Variants in TIPRL observed in about 807,000 individuals in gnomAD.
TIPRL encodes the protein TIP41-like protein.
Under a neutral mutation model 32.3 loss-of-function variants are expected in TIPRL, and 10 were observed. That is an observed-to-expected ratio of 0.31 (90% CI 0.19 to 0.52). The LOEUF (loss-of-function observed/expected upper bound fraction) is 0.52, where lower values mean the gene tolerates loss of function less well. Among genes scored for constraint, TIPRL ranks in the 20% least tolerant of loss-of-function variants. The probability of loss-of-function intolerance (pLI) is 0.96; values close to 1 mark genes in which losing one functional copy is unlikely to be tolerated. For synonymous variants in TIPRL, 100 were observed against 114.0 expected (o/e 0.88, Z 0.78); for missense variants, 250 against 328.1 (o/e 0.76, Z 1.84).
Position 168,179,838 on chromosome 1 carries a change from T to C in TIPRL, c.104+657T>C, listed in dbSNP as rs533445680. ...ATGCGTTTTTGATGCCTGGGCTGAA[T>C]CTTGACAAAATTTAGGGGAATCAGG... On this transcript the variant is annotated intron_variant, in intron 1 of 6. Transcript: ENST00000367833. Among the ~76,000 whole-genome samples, 5 of 152,056 alleles carry C rather than the reference T, an allele frequency of 3.3e-5. No individual in the cohort carries two copies. The East Asian group carries it at 9.7e-4, about 29-fold the overall frequency.
intron 3 of TIPRL, among the ~76,000 whole-genome samples, chr1:168,185,782 A>G (rs977479258): frequency 2.3e-5 from 3 of 132,910 alleles, no homozygotes; most frequent in South Asian, 2.5e-4. Flanking sequence ...AAAAAAAAAA[A>G]AAGAAGAGAT....
At chr1:168,180,820 C>CTTTTTTTTTTTTTTTTTTTTTTTTTT (rs71118909) in intron 1 of TIPRL, among the ~76,000 whole-genome samples, 1 of 124,166 alleles carries the variant, frequency 8.1e-6, no homozygotes, top group Non-Finnish European at 1.7e-5. Flanking sequence ...TTTTTTATAA[C>CTTTTTTTTTTTTTTTTTTTTTTTTTT]TTTTTTTTTT....
chr1:168,197,183 C>T (rs1409896083), intron 5 of TIPRL, among the ~76,000 whole-genome samples: 3 of 151,858 alleles, frequency 2.0e-5, no homozygotes, highest in African/African-American at 4.8e-5. Flanking sequence ...GGCATGGTGG[C>T]ACGGACTTGT....
At chr1:168,179,204 C>T (rs754304557) in intron 1 of TIPRL, 23 bp downstream of exon 1, 6 of 1,610,220 alleles carry the variant, frequency 3.7e-6, no homozygotes, top group Non-Finnish European at 5.1e-6. Flanking sequence ...GGCACGGGGT[C>T]TGGGCGCTGG....
Position 168,184,035 on chromosome 1 carries a change from C to G in TIPRL, c.238C>G (p.Gln80Glu), listed in dbSNP as rs1699998836. Residue 80 changes from glutamine (Q) to glutamate (E), a missense_variant, in exon 2 of 7, where the codon CAA becomes GAA. Transcript: ENST00000367833. ...TDALRCVNNY[Q>E]GMLKVACAEE... The stretch of plus-strand genomic sequence containing the variant: ...TGCGTTAAGATGTGTAAACAACTAC[C>G]AAGGAATGCTTAAAGTGGCCTGTGC... 6.2e-7 allele frequency: 1 copy of G among 1,613,818 alleles called. No individual in the cohort carries two copies.
At chr1:168,191,859 A>AG (rs1700101526) in intron 4 of TIPRL, among the ~76,000 whole-genome samples, 1 of 117,448 alleles carries the variant, frequency 8.5e-6, no homozygotes, top group African/African-American at 4.3e-5. Context: ...GCGACAGAGC[A>AG]AAAAAAAAAA....
At chr1:168,182,099 T>TA (rs397778669) in intron 1 of TIPRL, among the ~76,000 whole-genome samples, 17 of 149,576 alleles carry the variant, frequency 1.1e-4, no homozygotes, top group African/African-American at 1.5e-4. Flanking sequence ...TGCCTTTTTT[T>TA]ATATGACAAA....
At chr1:168,199,597 C>T (rs1362356057) in intron 6 of TIPRL, among the ~76,000 whole-genome samples, 1 of 152,058 alleles carries the variant, frequency 6.6e-6, no homozygotes, top group Non-Finnish European at 1.5e-5. Context: ...TGTGCTCTAA[C>T]CGAAGACTAG....
intron 4 of TIPRL, among the ~76,000 whole-genome samples, chr1:168,192,840 C>A (rs1023591317): frequency 6.6e-5 from 10 of 150,556 alleles, no homozygotes; most frequent in Admixed American, 3.3e-4. Flanking sequence ...GAGCCGAGAT[C>A]GTGCCACTGC....
At chr1:168,195,837 C>T (rs902098529) in intron 4 of TIPRL, among the ~76,000 whole-genome samples, 24 of 152,294 alleles carry the variant, frequency 1.6e-4, no homozygotes, top group African/African-American at 5.8e-4. Flanking sequence ...ACCTTCCAAA[C>T]TGCTGTGATT....
intron 2 of TIPRL, among the ~76,000 whole-genome samples, chr1:168,184,404 T>C (rs1700003499): frequency 6.6e-6 from 1 of 152,240 alleles, no homozygotes; most frequent in Admixed American, 6.5e-5. Flanking sequence ...TGTTTACTTA[T>C]GATATGCTTA....
At chr1:168,181,502 G>A (rs1354776856) in intron 1 of TIPRL, among the ~76,000 whole-genome samples, 1 of 150,900 alleles carries the variant, frequency 6.6e-6, no homozygotes, top group Non-Finnish European at 1.5e-5. Context: ...ATAAGCCACC[G>A]CACCCGGCCT....
At chr1:168,193,634 CAT>C (rs1335031588) in intron 4 of TIPRL, among the ~76,000 whole-genome samples, 2 of 152,144 alleles carry the variant, frequency 1.3e-5, no homozygotes, top group Admixed American at 1.3e-4. Flanking sequence ...TTGGAAAGCA[CAT>C]GTGGTTTTGT....
At chr1:168,199,622 A>G (rs1371613533) in intron 6 of TIPRL, among the ~76,000 whole-genome samples, 3 of 152,206 alleles carry the variant, frequency 2.0e-5, no homozygotes, top group Admixed American at 6.5e-5. Flanking sequence ...TTCAAGTTAC[A>G]AAAGCAGGAG....
chr1:168,189,739 G>T (rs1700069114), intron 3 of TIPRL, among the ~76,000 whole-genome samples: 1 of 152,176 alleles, frequency 6.6e-6, no homozygotes, highest in African/African-American at 2.4e-5. Context: ...GAAGAGAGCT[G>T]AAAAGTATAA....
intron 1 of TIPRL, among the ~76,000 whole-genome samples, chr1:168,180,087 A>ATT (rs1699941169): frequency 6.6e-6 from 1 of 152,214 alleles, no homozygotes; most frequent in Non-Finnish European, 1.5e-5. Context: ...GAGCTGCATT[A>ATT]TCAGATGTAC....
At position 168,199,956 on chromosome 1, in the gene TIPRL, A is replaced by G. The variant is rs757981136; in HGVS notation, c.729A>G (p.Pro243=). Residue 243 remains proline, a synonymous_variant, in exon 7 of 7, where the codon CCA becomes CCG. Coordinates refer to ENST00000367833, the MANE Select transcript of TIPRL (RefSeq NM_152902.5). ...TEPNEISQYL[P]IKEAVCEKLI... is the part of the protein sequence containing the mutation. ...CTAATGAAATATCCCAGTATTTACC[A>G]ATAAAGGAAGCAGTTTGTGAGAAGC... 1.2e-6 allele frequency: 2 copies of G among 1,613,672 alleles called. No individual in the cohort carries two copies. Among genetic ancestry groups the G allele is most frequent in the East Asian group, 2.2e-5 (1 of 44,808 alleles).
intron 4 of TIPRL, among the ~76,000 whole-genome samples, chr1:168,192,740 G>T (rs201847168): frequency 6.6e-6 from 1 of 152,066 alleles, no homozygotes; most frequent in Non-Finnish European, 1.5e-5. Flanking sequence ...CAAAAAATTA[G>T]CTGGGCGCAG....
Position 168,199,923 on chromosome 1 carries a change from C to T in TIPRL, c.696C>T (p.Phe232=), listed in dbSNP as rs753537997. 5 of 1,613,180 alleles carry T rather than the reference C, an allele frequency of 3.1e-6. No homozygotes were observed. Among genetic ancestry groups the T allele is most frequent in the African/African-American group, 1.3e-5 (1 of 75,012 alleles). ...CCTAGCATGTTCCACCTTCCCTCTTCACGGAACCTAATGAAATATCCCAGT... is the reference window on the plus strand; with the variant it reads ...CCTAGCATGTTCCACCTTCCCTCTTTACGGAACCTAATGAAATATCCCAGT... ...SSLMHVPPSL[F]TEPNEISQYL... is the part of the protein sequence containing the mutation. The change falls in exon 7 of 7, where the codon TTC becomes TTT. Residue 232 remains phenylalanine (F), a synonymous_variant. Transcript: ENST00000367833.
Sources: allele counts gnomAD v4.1 joint callset (sites outside exome capture counted in the v4.1 genomes callset), GRCh38; gene constraint gnomAD v4.1.1; transcripts MANE v1.5; gene names NCBI Gene and HGNC (gene_info 2026-07-23, HGNC 2026-07-21).